SYNDIG1: variants seen among roughly 807,000 people sequenced by gnomAD.
SYNDIG1 encodes the protein synapse differentiation inducing 1, also known as synapse differentiation-inducing gene protein 1.
In SYNDIG1, 9 loss-of-function variants were observed where a neutral mutation model predicts 19.4. That is an observed-to-expected ratio of 0.46 (90% CI 0.28 to 0.81). The LOEUF is 0.81. SYNDIG1 is among the 30% of genes least tolerant of loss of function. SYNDIG1 has a pLI of 0.12. For synonymous variants in SYNDIG1, 141 were observed against 145.9 expected (o/e 0.97, Z 0.24); for missense variants, 311 against 343.3 (o/e 0.91, Z 0.74).
At chr20:24,507,752 A>G (rs961532309) in intron 1 of SYNDIG1, among the ~76,000 whole-genome samples, 2 of 152,118 alleles carry the variant, frequency 1.3e-5, no homozygotes, top group Non-Finnish European at 2.9e-5. Flanking sequence ...CCTCCATTTA[A>G]CCAGAAGAGA....
chr20:24,585,048 T>TG, intron 3 of SYNDIG1, 55 bp downstream of exon 3: 1 of 395,192 alleles, frequency 2.5e-6, no homozygotes, highest in Non-Finnish European at 4.2e-6. Flanking sequence ...AGGGTGGGGG[T>TG]GGGGGCGGCA....
At chr20:24,606,127 G>A (rs1233392248) in intron 3 of SYNDIG1, among the ~76,000 whole-genome samples, 1 of 152,240 alleles carries the variant, frequency 6.6e-6, no homozygotes, top group Admixed American at 6.5e-5. Flanking sequence ...CCTGGCCAGA[G>A]GCTGGGATGA....
chr20:24,585,131 G>A (rs2058395846), intron 3 of SYNDIG1, 138 bp downstream of exon 3: 1 of 1,190,804 alleles, frequency 8.4e-7, no homozygotes, highest in East Asian at 2.4e-5. Context: ...TTGCCCAGTT[G>A]GAGGATAGGC....
intron 1 of SYNDIG1, among the ~76,000 whole-genome samples, chr20:24,537,257 T>C (rs2057380175): frequency 1.3e-5 from 2 of 152,234 alleles, no homozygotes; most frequent in Middle Eastern, 3.4e-3. Context: ...TTACAGAAAA[T>C]TTCAAACACA....
Position 24,648,646 on chromosome 20 carries a change from A to G in SYNDIG1, c.619-16700A>G, listed in dbSNP as rs558765648. Among the ~76,000 whole-genome samples, 13 of 152,348 alleles carry G rather than the reference A, an allele frequency of 8.5e-5. No homozygotes were observed. In the South Asian group the frequency reaches 2.7e-3, roughly 32 times the overall value. On this transcript the variant is annotated intron_variant, in intron 3 of 3. Transcript: ENST00000376862. ...CAGCAGGGAGCCCAGCACCAGACTG[A>G]CAAGGGCTGCCTCCCTGCTTCAGAG...
Position 24,665,520 on chromosome 20 carries a change from A to G in SYNDIG1, c.*16A>G, listed in dbSNP as rs1568726127. The G allele has an allele frequency of 1.2e-6, 2 of 1,613,736 alleles. No individual in the cohort carries two copies. On this transcript the variant is annotated 3_prime_UTR_variant, in exon 4 of 4. Transcript: ENST00000376862. ...CCACCTGTGAGCTTCCTGCGAATGG[A>G]GGGGGAGCACCCGGGGCCAGGTCTG... is the stretch of plus-strand genomic sequence containing the variant.
At chr20:24,603,880 G>T (rs773534622) in intron 3 of SYNDIG1, among the ~76,000 whole-genome samples, 3 of 152,128 alleles carry the variant, frequency 2.0e-5, no homozygotes, top group Non-Finnish European at 2.9e-5. Context: ...AATGCCAGGG[G>T]AGTTCATTCT....
chr20:24,662,958 A>G (rs1184506161), intron 3 of SYNDIG1, among the ~76,000 whole-genome samples: 1 of 152,256 alleles, frequency 6.6e-6, no homozygotes, highest in Non-Finnish European at 1.5e-5. Context: ...GCTTTCGTCC[A>G]GCAGCTGTCA....
At chr20:24,603,291 T>C (rs1347417310) in intron 3 of SYNDIG1, among the ~76,000 whole-genome samples, 2 of 152,132 alleles carry the variant, frequency 1.3e-5, no homozygotes, top group African/African-American at 4.8e-5. Flanking sequence ...TGCCAAATCC[T>C]CTGAGCACAT....
At chr20:24,532,659 TAAAG>T (rs1325961165) in intron 1 of SYNDIG1, among the ~76,000 whole-genome samples, 4 of 152,318 alleles carry the variant, frequency 2.6e-5, no homozygotes, top group Admixed American at 6.5e-5. Context: ...TAATTAAAGT[TAAAG>T]AAAGCAACAG....
intron 2 of SYNDIG1, among the ~76,000 whole-genome samples, chr20:24,583,978 G>T (rs985737146): frequency 1.3e-5 from 2 of 152,080 alleles, no homozygotes; most frequent in Admixed American, 1.3e-4. Context: ...AAACCCCCAT[G>T]GCATGAGTTT....
intron 1 of SYNDIG1, among the ~76,000 whole-genome samples, chr20:24,514,347 A>G (rs1270989065): frequency 6.6e-6 from 1 of 152,220 alleles, no homozygotes; most frequent in Non-Finnish European, 1.5e-5. Context: ...ATAAAGGGTC[A>G]AGCCTCGTCA....
intron 2 of SYNDIG1, among the ~76,000 whole-genome samples, chr20:24,581,596 C>T (rs577907618): frequency 6.6e-6 from 1 of 152,226 alleles, no homozygotes; most frequent in South Asian, 2.1e-4. Flanking sequence ...CCCGAAGCCA[C>T]ATGTTTTCAG....
intron 1 of SYNDIG1, among the ~76,000 whole-genome samples, chr20:24,533,977 C>T (rs2057312882): frequency 6.6e-6 from 1 of 152,118 alleles, no homozygotes; most frequent in Non-Finnish European, 1.5e-5. Context: ...CTGGCATCTG[C>T]TCAGCTTCTG....
intron 3 of SYNDIG1, among the ~76,000 whole-genome samples, chr20:24,598,120 G>T (rs577201692): frequency 1.3e-5 from 2 of 152,168 alleles, no homozygotes; most frequent in African/African-American, 2.4e-5. Flanking sequence ...GCAAGCCTTC[G>T]CTGGCCACAG....
chr20:24,553,453 G>T (rs1364327026), intron 2 of SYNDIG1, among the ~76,000 whole-genome samples: 2 of 152,232 alleles, frequency 1.3e-5, no homozygotes, highest in African/African-American at 4.8e-5. Context: ...GGTCTAACAT[G>T]TAAGTCCTTA....
chr20:24,585,048 T>TTGGGGGGGGGGGGGG, intron 3 of SYNDIG1, 55 bp downstream of exon 3: 1 of 395,194 alleles, frequency 2.5e-6, no homozygotes, highest in Non-Finnish European at 4.2e-6. Context: ...AGGGTGGGGG[T>TTGGGGGGGGGGGGGG]GGGGGCGGCA....
intron 1 of SYNDIG1, among the ~76,000 whole-genome samples, chr20:24,540,968 G>C (rs1330151534): frequency 6.6e-6 from 1 of 152,118 alleles, no homozygotes; most frequent in Non-Finnish European, 1.5e-5. Flanking sequence ...AGAAGGACTG[G>C]TATTAGTTCT....
intron 1 of SYNDIG1, among the ~76,000 whole-genome samples, chr20:24,533,635 G>T (rs2057304847): frequency 2.6e-5 from 4 of 151,980 alleles, no homozygotes; most frequent in African/African-American, 9.7e-5. Flanking sequence ...TCTCTGGGGG[G>T]CGCTGGGGAA....
Sources: allele counts gnomAD v4.1 joint callset (sites outside exome capture counted in the v4.1 genomes callset), GRCh38; gene constraint gnomAD v4.1.1; transcripts MANE v1.5; gene names NCBI Gene and HGNC (gene_info 2026-07-23, HGNC 2026-07-21).